Variants in DYNC2LI1 observed in about 807,000 individuals in gnomAD.
DYNC2LI1 encodes the protein dynein cytoplasmic 2 light intermediate chain 1.
In DYNC2LI1, 45 loss-of-function variants were observed where a neutral mutation model predicts 51.9. The observed-to-expected ratio is 0.87, with a 90% CI of 0.68 to 1.11. DYNC2LI1 has a LOEUF of 1.11. Among genes scored for constraint, DYNC2LI1 ranks in the 50% most tolerant of loss-of-function variants. The pLI is 0.00. For missense variants in DYNC2LI1, 490 were observed against 417.4 expected (o/e 1.17, Z -1.51); for synonymous variants, 130 against 137.8 (o/e 0.94, Z 0.40).
At chr2:43,792,895 T>C (rs748860643) in intron 5 of DYNC2LI1, 12 of 1,290,614 alleles carry the variant, frequency 9.3e-6, no homozygotes, top group Non-Finnish European at 1.2e-5. Flanking sequence ...CAGTTATCCG[T>C]TAATCCATGC....
the DYNC2LI1 span, chr2:43,824,137 G>A: frequency 2.5e-6 from 4 of 1,614,020 alleles, no homozygotes; most frequent in Non-Finnish European, 3.4e-6. Context: ...AAACAACCCT[G>A]TTTTAATTCC....
At position 43,804,657 on chromosome 2, in the gene DYNC2LI1, C is replaced by G. The variant is rs749504655; in HGVS notation, c.818C>G (p.Pro273Arg). The change falls in exon 11 of 13, where the codon CCT (proline) becomes CGT (arginine). Residue 273 changes from proline to arginine, a missense_variant. By Grantham distance (103) the Pro-to-Arg change is moderately radical (BLOSUM62 -2). Transcript: ENST00000260605. ...GCTATTTTAGGATCTCCTCCTGTTC[C>G]TGAAAATGACATTGGAAAGCTTCAT... ...SFGQIGSPPVPENDIGKLHAH... is the reference protein window; with the variant it reads ...SFGQIGSPPVRENDIGKLHAH... 1 of 1,603,748 alleles carries G rather than the reference C, an allele frequency of 6.2e-7. No homozygotes were observed. Among genetic ancestry groups the G allele is most frequent in the Non-Finnish European group, 8.5e-7 (1 of 1,176,210 alleles).
In DYNC2LI1 at chr2:43,804,650, C is replaced by A; in HGVS notation, c.811C>A (p.Pro271Thr). The A allele has an allele frequency of 6.2e-7, 1 of 1,601,844 alleles. No homozygotes were observed. Among genetic ancestry groups the A allele is most frequent in the Non-Finnish European group, 8.5e-7 (1 of 1,175,310 alleles). ...LDSFGQIGSP[P>T]VPENDIGKLH... ...AAAACTTGCTATTTTAGGATCTCCT[C>A]CTGTTCCTGAAAATGACATTGGAAA... The change falls in exon 11 of 13, where the codon CCT (proline) becomes ACT (threonine). Residue 271 changes from proline to threonine, a missense_variant. Physicochemically the swap from Pro to Thr is conservative, Grantham distance 38. Transcript: ENST00000260605.
At chr2:43,824,487 C>T in the DYNC2LI1 span, 1 of 1,603,422 alleles carries the variant, frequency 6.2e-7, no homozygotes, top group Non-Finnish European at 8.5e-7. Context: ...CATGTATGTA[C>T]ATGGATATAC....
At chr2:43,793,911 G>A (rs1488045217) in intron 5 of DYNC2LI1, 4 of 152,798 alleles carry the variant, frequency 2.6e-5, no homozygotes, top group African/African-American at 9.7e-5. Flanking sequence ...GTGTAACTTT[G>A]GATCTAAATA....
At chr2:43,821,864 TTC>T in the DYNC2LI1 span, among the ~76,000 whole-genome samples, 28 of 151,908 alleles carry the variant, frequency 1.8e-4, no homozygotes, top group South Asian at 1.0e-3. Context: ...CTATTTTTCA[TTC>T]TCTCTCTCTC....
the DYNC2LI1 span, among the ~76,000 whole-genome samples, chr2:43,826,722 A>G: frequency 6.6e-6 from 1 of 152,242 alleles, no homozygotes; most frequent in Non-Finnish European, 1.5e-5. Context: ...CCAGCTCTGG[A>G]GCACATGTGG....
chr2:43,810,039 G>A (rs1046171262), downstream of DYNC2LI1: 1 of 837,414 alleles, frequency 1.2e-6, no homozygotes, highest in Middle Eastern at 5.0e-4. Flanking sequence ...ACTCAATTCA[G>A]CATGTATAAG....
At position 43,796,749 on chromosome 2, in the gene DYNC2LI1, G is replaced by T; in HGVS notation, c.608G>T (p.Cys203Phe). 2 of 1,613,644 alleles carry T rather than the reference G, an allele frequency of 1.2e-6. No individual in the cohort carries two copies. Among genetic ancestry groups the T allele is most frequent in the Non-Finnish European group, 1.7e-6 (2 of 1,179,778 alleles). Residue 203 changes from cysteine (C) to phenylalanine (F), a missense_variant, in exon 8 of 13, where the codon TGC (cysteine) becomes TTC (phenylalanine). Physicochemically the swap from Cys to Phe is radical, Grantham distance 205. Transcript: ENST00000260605. ...GAGTCTGAGAAGAGAAAGGTAATAT[G>T]CAAGACACTTCGATTTGTTGCACAT... ...DFESEKRKVICKTLRFVAHYY... is the reference protein window; with the variant it reads ...DFESEKRKVIFKTLRFVAHYY...
chr2:43,788,379 C>T (rs1448878658), intron 4 of DYNC2LI1, among the ~76,000 whole-genome samples: 3 of 152,138 alleles, frequency 2.0e-5, no homozygotes, highest in Non-Finnish European at 4.4e-5. Flanking sequence ...GGAGCAGATA[C>T]GTAAAAACTT....
the DYNC2LI1 span, among the ~76,000 whole-genome samples, chr2:43,816,433 G>A: frequency 2.4e-3 from 369 of 152,204 alleles, no homozygotes; most frequent in African/African-American, 6.9e-3. Flanking sequence ...TGCAGGTGGC[G>A]GAGAGAGAGA....
chr2:43,824,260 T>G, the DYNC2LI1 span: 2 of 1,614,220 alleles, frequency 1.2e-6, no homozygotes, highest in Non-Finnish European at 1.7e-6. Flanking sequence ...CAGGAGAATC[T>G]TTGGTTTTGA....
At chr2:43,822,478 G>GTC in the DYNC2LI1 span, 1 of 463,390 alleles carries the variant, frequency 2.2e-6, no homozygotes, top group Non-Finnish European at 2.8e-6. Context: ...CCTCCCCCAG[G>GTC]CCCCCCCCCA....
downstream of DYNC2LI1, chr2:43,812,787 C>G: frequency 3.6e-6 from 1 of 275,358 alleles, no homozygotes; most frequent in South Asian, 5.5e-5. Flanking sequence ...TTTAAGCTGA[C>G]CTATTTTTTT....
the DYNC2LI1 span, among the ~76,000 whole-genome samples, chr2:43,819,172 C>T: frequency 6.6e-6 from 1 of 152,004 alleles, no homozygotes; most frequent in Non-Finnish European, 1.5e-5. Flanking sequence ...CTTCATGTTT[C>T]CTTGGGGACC....
At chr2:43,800,411 G>A (rs1666034761) in intron 8 of DYNC2LI1, among the ~76,000 whole-genome samples, 1 of 152,118 alleles carries the variant, frequency 6.6e-6, no homozygotes, top group African/African-American at 2.4e-5. Context: ...ATACGCCCTT[G>A]GATGTGAAAG....
chr2:43,794,918 A>G (rs1355113209), intron 6 of DYNC2LI1: 34 of 1,347,882 alleles, frequency 2.5e-5, no homozygotes, highest in Non-Finnish European at 3.2e-5. Flanking sequence ...GTGGTTTGAT[A>G]TTGATTTTAT....
downstream of DYNC2LI1, chr2:43,812,492 A>C (rs1375350681): frequency 1.3e-5 from 2 of 152,690 alleles, no homozygotes; most frequent in African/African-American, 4.8e-5. Flanking sequence ...GCCCATTCCT[A>C]CGGTTTTTTA....
downstream of DYNC2LI1, among the ~76,000 whole-genome samples, chr2:43,814,009 C>T (rs1371904835): frequency 6.6e-6 from 1 of 152,098 alleles, no homozygotes; most frequent in African/African-American, 2.4e-5. Flanking sequence ...AGCCACTGTG[C>T]CCGGCCACCC....
Sources: allele counts gnomAD v4.1 joint callset (sites outside exome capture counted in the v4.1 genomes callset), GRCh38; gene constraint gnomAD v4.1.1; transcripts MANE v1.5; gene names NCBI Gene and HGNC (gene_info 2026-07-23, HGNC 2026-07-21).